Variants in FAM83B observed in about 807,000 individuals in gnomAD.
FAM83B encodes the protein scaffolding CK1 anchoring protein B, also known as protein FAM83B.
A neutral mutation model predicts 38.8 loss-of-function variants in FAM83B; 26 were observed. The observed-to-expected ratio is 0.67, with a 90% CI of 0.49 to 0.93. The LOEUF (loss-of-function observed/expected upper bound fraction) is 0.93, where lower values mean the gene tolerates loss of function less well. Ranked by LOEUF, FAM83B falls within the 40% of genes least tolerant of loss-of-function variation. FAM83B has a pLI of 0.00. For synonymous variants in FAM83B, 419 were observed against 423.1 expected (o/e 0.99, Z 0.12); for missense variants, 1,237 against 1,197.3 (o/e 1.03, Z -0.49).
chr6:54,884,311 AAAAAAAAGAG>A (rs1225683477), intron 2 of FAM83B, among the ~76,000 whole-genome samples: 1 of 149,960 alleles, frequency 6.7e-6, no homozygotes, highest in Non-Finnish European at 1.5e-5. Context: ...AAAAAAAAAA[AAAAAAAAGAG>A]AAAAATAGAA....
intron 2 of FAM83B, among the ~76,000 whole-genome samples, chr6:54,883,332 G>GTTTT (rs36040247): frequency 2.2e-5 from 2 of 90,480 alleles, no homozygotes; most frequent in Non-Finnish European, 4.0e-5. Flanking sequence ...TTTTTTTTAA[G>GTTTT]TTTTTTTTTT....
At chr6:54,860,075 C>G (rs9464154) in intron 1 of FAM83B, among the ~76,000 whole-genome samples, 3 of 150,470 alleles carry the variant, frequency 2.0e-5, no homozygotes, top group African/African-American at 7.3e-5. Flanking sequence ...GTGTGTTTTC[C>G]TTTTGTTTTT....
At chr6:54,850,651 T>C (rs1771250165) in intron 1 of FAM83B, among the ~76,000 whole-genome samples, 1 of 152,224 alleles carries the variant, frequency 6.6e-6, no homozygotes, top group African/African-American at 2.4e-5. Flanking sequence ...CTGGCAATGA[T>C]GGCTTTAATT....
At chr6:54,869,222 A>G (rs1024153378) in intron 1 of FAM83B, among the ~76,000 whole-genome samples, 2 of 152,192 alleles carry the variant, frequency 1.3e-5, no homozygotes, top group East Asian at 3.8e-4. Context: ...CTGTCCAGTC[A>G]CTGAATCTCA....
At chr6:54,912,306 G>T (rs935700159) in intron 2 of FAM83B, among the ~76,000 whole-genome samples, 5 of 151,260 alleles carry the variant, frequency 3.3e-5, no homozygotes, top group Non-Finnish European at 5.9e-5. Flanking sequence ...TCAATTTTTA[G>T]ATGTAAAATA....
chr6:54,904,178 T>C (rs1401662221), intron 2 of FAM83B, among the ~76,000 whole-genome samples: 1 of 152,194 alleles, frequency 6.6e-6, no homozygotes, highest in Non-Finnish European at 1.5e-5. Flanking sequence ...AATGAAAGAC[T>C]CTTTCTCTCC....
intron 3 of FAM83B, 115 bp from the exon 4 acceptor site, chr6:54,927,393 T>A (rs1463704757): frequency 5.3e-6 from 4 of 757,688 alleles, no homozygotes; most frequent in South Asian, 7.3e-5. Flanking sequence ...GTTTTTTTTT[T>A]AATTACCTTA....
chr6:54,936,451 A>G (rs1260608539), intron 4 of FAM83B, among the ~76,000 whole-genome samples: 1 of 152,026 alleles, frequency 6.6e-6, no homozygotes, highest in Admixed American at 6.6e-5. Flanking sequence ...TTAAGTCTGT[A>G]CTACAATAGT....
intron 2 of FAM83B, among the ~76,000 whole-genome samples, chr6:54,893,538 C>G (rs535834938): frequency 6.6e-6 from 1 of 152,138 alleles, no homozygotes; most frequent in East Asian, 1.9e-4. Flanking sequence ...TTTATCATCA[C>G]CAGGTGGTTC....
intron 1 of FAM83B, among the ~76,000 whole-genome samples, chr6:54,852,433 C>T (rs946736404): frequency 2.0e-5 from 3 of 152,170 alleles, no homozygotes; most frequent in Admixed American, 6.5e-5. Context: ...ATCATGTGCA[C>T]ATATGACAGT....
chr6:54,915,282 G>T (rs1347024762), intron 2 of FAM83B, among the ~76,000 whole-genome samples: 1 of 152,130 alleles, frequency 6.6e-6, no homozygotes, highest in Middle Eastern at 3.2e-3. Flanking sequence ...TGAATTTTAA[G>T]TTTTCTTATA....
At chr6:54,865,307 G>A (rs536706544) in intron 1 of FAM83B, among the ~76,000 whole-genome samples, 64 of 152,210 alleles carry the variant, frequency 4.2e-4, no homozygotes, top group Non-Finnish European at 7.1e-4. Flanking sequence ...TCCAGTCTCT[G>A]CCTCTGTAGT....
At chr6:54,847,280 G>A (rs978339530) in intron 1 of FAM83B, among the ~76,000 whole-genome samples, 22 of 151,810 alleles carry the variant, frequency 1.4e-4, no homozygotes, top group South Asian at 8.3e-4. Flanking sequence ...GGGGTGGGGG[G>A]TTCCGGGAAA....
intron 2 of FAM83B, among the ~76,000 whole-genome samples, chr6:54,911,260 A>T (rs1163415968): frequency 6.6e-6 from 1 of 151,756 alleles, no homozygotes; most frequent in Non-Finnish European, 1.5e-5. Context: ...GTTAGAATTG[A>T]AAGAAATGCC....
chr6:54,923,410 A>C (rs1324265173), intron 2 of FAM83B, among the ~76,000 whole-genome samples: 2 of 151,954 alleles, frequency 1.3e-5, no homozygotes, highest in Admixed American at 6.6e-5. Flanking sequence ...CCCTCTTTCA[A>C]TTTGTTACAC....
At chr6:54,927,167 T>C (rs1773313157) in intron 3 of FAM83B, among the ~76,000 whole-genome samples, 1 of 152,212 alleles carries the variant, frequency 6.6e-6, no homozygotes, top group African/African-American at 2.4e-5. Flanking sequence ...TTTCACGTAG[T>C]ATTTTCTGTT....
At chr6:54,901,589 C>T (rs993944541) in intron 2 of FAM83B, among the ~76,000 whole-genome samples, 2 of 152,040 alleles carry the variant, frequency 1.3e-5, no homozygotes, top group Non-Finnish European at 1.5e-5. Flanking sequence ...TTCATTGTTT[C>T]CCTTATTTGA....
chr6:54,927,453 C>A (rs1581926744), intron 3 of FAM83B, 55 bp from the exon 4 acceptor site: 2 of 1,396,014 alleles, frequency 1.4e-6, no homozygotes, highest in South Asian at 3.8e-5. Flanking sequence ...TTTTGGTTTT[C>A]AAAATATTCT....
chr6:54,882,496 G>T lies in FAM83B; in HGVS notation c.444+11806G>T, dbSNP rs545613590. Among the ~76,000 whole-genome samples the T allele has an allele frequency of 6.0e-4, 91 of 152,224 alleles. 2 individuals are homozygous for T. The highest frequency in any genetic ancestry group is 2.1e-3 in the African/African-American group (89 of 41,538). The stretch of plus-strand genomic sequence containing the variant: ...GTCTGGTATTTGAGCCTGGGTCATG[G>T]GCTCAGACAGACCCTGCTTGGGCTT... On this transcript the variant is annotated intron_variant, in intron 2 of 4. Transcript: ENST00000306858.
Sources: gnomAD v4.1 joint callset for allele counts (sites outside exome capture counted in the v4.1 genomes callset) on GRCh38, gnomAD v4.1.1 for gene constraint, MANE v1.5 for transcripts, NCBI Gene and HGNC (gene_info 2026-07-23, HGNC 2026-07-21) for gene names.